Variants in CDH18 observed in about 807,000 individuals in gnomAD.
CDH18 encodes cadherin 18.
Under a neutral mutation model 67.9 loss-of-function variants are expected in CDH18, and 31 were observed. The observed-to-expected ratio is 0.46, with a 90% CI of 0.34 to 0.62. The LOEUF is 0.62. CDH18 is among the 20% of genes least tolerant of loss of function. CDH18 has a pLI of 0.01. For synonymous variants in CDH18, 362 were observed against 347.2 expected (o/e 1.04, Z -0.48); for missense variants, 890 against 975.5 (o/e 0.91, Z 1.17).
chr5:19,922,085 G>A (rs917057445), intron 2 of CDH18, among the ~76,000 whole-genome samples: 3 of 152,140 alleles, frequency 2.0e-5, no homozygotes, highest in African/African-American at 7.2e-5. Context: ...AAGCATTGCT[G>A]AATTAACAGT....
At chr5:19,904,308 A>G (rs1220299700) in intron 2 of CDH18, among the ~76,000 whole-genome samples, 1 of 146,606 alleles carries the variant, frequency 6.8e-6, no homozygotes, top group Non-Finnish European at 1.5e-5. Flanking sequence ...AAAGAAAAGA[A>G]AAAACGAAAA....
intron 1 of CDH18, among the ~76,000 whole-genome samples, chr5:20,261,360 C>T (rs1367307683): frequency 2.0e-5 from 3 of 152,006 alleles, no homozygotes; most frequent in Non-Finnish European, 4.4e-5. Flanking sequence ...TTATGAAATG[C>T]TTTTATAGCC....
chr5:20,091,548 C>A (rs1189149075), intron 2 of CDH18, among the ~76,000 whole-genome samples: 1 of 152,040 alleles, frequency 6.6e-6, no homozygotes, highest in Non-Finnish European at 1.5e-5. Flanking sequence ...TCTAAAAGCA[C>A]TTTAAGTAAG....
chr5:19,482,853 T>G (rs1158599769), intron 12 of CDH18, among the ~76,000 whole-genome samples: 1 of 152,158 alleles, frequency 6.6e-6, no homozygotes, highest in African/African-American at 2.4e-5. Context: ...GATCTCTCAT[T>G]TTTTGTACAT....
intron 2 of CDH18, among the ~76,000 whole-genome samples, chr5:20,082,905 C>T (rs1172472618): frequency 6.6e-6 from 1 of 152,176 alleles, no homozygotes; most frequent in East Asian, 1.9e-4. Context: ...GGAATCAACC[C>T]TGCCAGCACT....
intron 1 of CDH18, among the ~76,000 whole-genome samples, chr5:20,523,769 A>T (rs1013365773): frequency 5.3e-5 from 8 of 152,128 alleles, no homozygotes; most frequent in Non-Finnish European, 1.2e-4. Context: ...CGAACTCCTG[A>T]CCTCAAGTGA....
intron 2 of CDH18, among the ~76,000 whole-genome samples, chr5:19,917,311 C>T (rs1333659963): frequency 2.6e-5 from 4 of 152,024 alleles, no homozygotes; most frequent in South Asian, 2.1e-4. Flanking sequence ...TCCTTACGTT[C>T]TCCTCCTGTT....
chr5:20,573,574 A>G (rs1309020888), intron 1 of CDH18, among the ~76,000 whole-genome samples: 1 of 151,552 alleles, frequency 6.6e-6, no homozygotes. Flanking sequence ...TGGAATTATT[A>G]AAATACAATT....
At position 19,654,524 on chromosome 5, in the gene CDH18, G is replaced by A. The variant is rs1756052564; in HGVS notation, c.644-41923C>T. ...TACAGGAGAGGGAGCACGCAGACAGGCGGGTTTAAGAGCTGGGGAAAGTGC... is the reference window on the plus strand; with the variant it reads ...TACAGGAGAGGGAGCACGCAGACAGACGGGTTTAAGAGCTGGGGAAAGTGC... On this transcript the variant is annotated intron_variant, in intron 5 of 12. Transcript: ENST00000382275. Among the ~76,000 whole-genome samples, 4 of 152,152 alleles carry A rather than the reference G, an allele frequency of 2.6e-5. No individual in the cohort carries two copies. In the South Asian group the frequency reaches 8.3e-4, roughly 32 times the overall value.
At chr5:20,512,338 T>G (rs948438710) in intron 1 of CDH18, among the ~76,000 whole-genome samples, 1 of 152,212 alleles carries the variant, frequency 6.6e-6, no homozygotes, top group African/African-American at 2.4e-5. Flanking sequence ...TAAATTGAAT[T>G]TTTTGTTGCC....
chr5:20,002,518 T>TA (rs1253673090), intron 2 of CDH18, among the ~76,000 whole-genome samples: 1 of 152,188 alleles, frequency 6.6e-6, no homozygotes. Flanking sequence ...ATTTACCTCT[T>TA]AGAGTATGTG....
intron 2 of CDH18, among the ~76,000 whole-genome samples, chr5:20,123,873 C>A: frequency 8.5e-6 from 1 of 117,918 alleles, no homozygotes. Flanking sequence ...GGAGACAGAG[C>A]GAGACTCCGT....
intron 1 of CDH18, among the ~76,000 whole-genome samples, chr5:20,536,125 C>T (rs953151156): frequency 2.0e-5 from 3 of 152,144 alleles, no homozygotes; most frequent in Non-Finnish European, 2.9e-5. Flanking sequence ...ATGAGCACAA[C>T]CTGAAACCAT....
chr5:19,957,841 C>T (rs1369938214), intron 2 of CDH18, among the ~76,000 whole-genome samples: 1 of 151,424 alleles, frequency 6.6e-6, no homozygotes, highest in African/African-American at 2.4e-5. Flanking sequence ...GAGAAAATAA[C>T]ATATATGTTT....
At chr5:19,783,305 T>A (rs1483931603) in intron 3 of CDH18, among the ~76,000 whole-genome samples, 1 of 152,162 alleles carries the variant, frequency 6.6e-6, no homozygotes, top group Non-Finnish European at 1.5e-5. Context: ...ATAAGAAGTC[T>A]CTTAACCTCT....
Position 19,908,126 on chromosome 5 carries a change from T to C in CDH18, c.-256-68884A>G, listed in dbSNP as rs180713906. On this transcript the variant is annotated intron_variant, in intron 2 of 12. Coordinates refer to ENST00000382275, the MANE Select transcript of CDH18 (RefSeq NM_004934.5). ...GTAAAAATCATATTCAGAAGGCTTA[T>C]TTACTATAATTATAAAAATTATCAG... Among the ~76,000 whole-genome samples the C allele has an allele frequency of 1.4e-3, 213 of 152,210 alleles. 2 individuals are homozygous for C. The highest frequency in any genetic ancestry group is 2.3e-3 in the Non-Finnish European group (155 of 67,956).
chr5:19,809,261 G>A (rs867824817), intron 3 of CDH18, among the ~76,000 whole-genome samples: 1 of 152,128 alleles, frequency 6.6e-6, no homozygotes, highest in South Asian at 2.1e-4. Flanking sequence ...ATTCCCAACT[G>A]TCAGATAGCC....
rs557065559 is a variant in CDH18 at position 20,425,479 on chromosome 5, T to C, written c.-580+149983A>G. Among the ~76,000 whole-genome samples the C allele has an allele frequency of 5.3e-5, 8 of 151,322 alleles. No homozygotes were observed. In the South Asian group the frequency reaches 1.4e-3, roughly 27 times the overall value. On this transcript the variant is annotated intron_variant, in intron 1 of 14. Transcript: ENST00000507958. ...AGGTGTTAACAATAGAAAATATTTATATAGTCATGTAAATTAAAACTGGAT... is the reference window on the plus strand; with the variant it reads ...AGGTGTTAACAATAGAAAATATTTACATAGTCATGTAAATTAAAACTGGAT...
At chr5:20,058,914 T>G (rs1742225746) in intron 2 of CDH18, among the ~76,000 whole-genome samples, 1 of 152,180 alleles carries the variant, frequency 6.6e-6, no homozygotes, top group South Asian at 2.1e-4. Context: ...CTGGTAGAAT[T>G]CGGCTGTGAA....
Sources: allele counts gnomAD v4.1 joint callset (sites outside exome capture counted in the v4.1 genomes callset), GRCh38; gene constraint gnomAD v4.1.1; transcripts MANE v1.5; gene names NCBI Gene and HGNC (gene_info 2026-07-23, HGNC 2026-07-21).